Variants in PKHD1 observed in about 807,000 individuals in gnomAD.
PKHD1 encodes PKHD1 ciliary IPT domain containing fibrocystin/polyductin.
In PKHD1, 291 loss-of-function variants were observed where a neutral mutation model predicts 412.0. That is an observed-to-expected ratio of 0.71 (90% CI 0.64 to 0.78). The LOEUF is 0.78. Among genes scored for constraint, PKHD1 ranks in the 30% least tolerant of loss-of-function variants. The pLI, the probability that PKHD1 is intolerant of heterozygous loss-of-function variation, is 0.00. For missense variants in PKHD1, 4,825 were observed against 4,950.7 expected (o/e 0.97, Z 0.76); for synonymous variants, 1,777 against 1,821.5 (o/e 0.98, Z 0.62).
intron 33 of PKHD1, among the ~76,000 whole-genome samples, chr6:52,020,378 G>A (rs559283573): frequency 3.1e-4 from 47 of 152,278 alleles, no homozygotes; most frequent in African/African-American, 9.6e-4. Context: ...GGCATCTTAC[G>A]ATGCTACCCA....
At chr6:51,836,317 T>C (rs1769209959) in intron 51 of PKHD1, 87 bp downstream of exon 51, 1 of 889,198 alleles carries the variant, frequency 1.1e-6, no homozygotes, top group Admixed American at 1.7e-5. Context: ...TGCCTGTTTA[T>C]TAACAGTATG....
At chr6:51,950,220 A>AAATATATATATATATATATATATATATAT in intron 36 of PKHD1, among the ~76,000 whole-genome samples, 1 of 98,326 alleles carries the variant, frequency 1.0e-5, no homozygotes, top group Non-Finnish European at 2.0e-5. Context: ...GAAAAAAAAA[A>AAATATATATATATATATATATATATATAT]ATATATATAT....
Position 51,748,666 on chromosome 6 carries a change from C to T in PKHD1, c.8951-1G>A. On this transcript the variant is annotated splice_acceptor_variant, in intron 57 of 66. Coordinates refer to ENST00000371117, the MANE Select transcript of PKHD1 (RefSeq NM_138694.4). LOFTEE classifies it high-confidence loss of function. ...TCCACATTAAGAAGTTGAAGGACAC[C>T]TATAAACAAATGCATGTCATCAGGT... is the stretch of plus-strand genomic sequence containing the variant. The T allele has an allele frequency of 6.2e-7, 1 of 1,613,364 alleles. No individual in the cohort carries two copies. Among genetic ancestry groups the T allele is most frequent in the Non-Finnish European group, 8.5e-7 (1 of 1,179,572 alleles).
chr6:51,836,467 A>T lies in PKHD1; in HGVS notation c.8110T>A (p.Ser2704Thr). The change falls in exon 51 of 67, where the codon TCA becomes ACA. Residue 2704 changes from serine to threonine, a missense_variant and splice_region_variant. By Grantham distance (58) the Ser-to-Thr change is moderately conservative (BLOSUM62 1). Coordinates refer to ENST00000371117, the MANE Select transcript of PKHD1 (RefSeq NM_138694.4). ...ATGACTTGAACTTGGCCTTCACCTGAAACTAAATACCAAAAGCCACAACTT... is the reference window on the plus strand; with the variant it reads ...ATGACTTGAACTTGGCCTTCACCTGTAACTAAATACCAAAAGCCACAACTT... The part of the protein sequence containing the change: ...SQLRQLTYLV[S>T]GEGQVQVILR... 2 of 1,610,706 alleles carry T rather than the reference A, an allele frequency of 1.2e-6. No homozygotes were observed.
At chr6:52,069,676 C>A (rs1810304402) in intron 10 of PKHD1, 149 bp from the exon 11 acceptor site, 1 of 737,234 alleles carries the variant, frequency 1.4e-6, no homozygotes, top group East Asian at 2.5e-5. Context: ...AACTAAAGAA[C>A]AATACCAACA....
At chr6:51,726,648 A>C (rs1782609436) in intron 60 of PKHD1, among the ~76,000 whole-genome samples, 2 of 152,218 alleles carry the variant, frequency 1.3e-5, no homozygotes, top group African/African-American at 4.8e-5. Context: ...TGTTTATCCT[A>C]CAGAGTGGAT....
intron 60 of PKHD1, among the ~76,000 whole-genome samples, chr6:51,738,410 G>A (rs757014667): frequency 1.3e-5 from 2 of 152,154 alleles, no homozygotes; most frequent in East Asian, 1.9e-4. Context: ...TATGTAAGGC[G>A]AATAAGTCCA....
chr6:52,008,513 G>A (rs1003723272), intron 35 of PKHD1, among the ~76,000 whole-genome samples: 3 of 152,146 alleles, frequency 2.0e-5, no homozygotes, highest in Non-Finnish European at 4.4e-5. Flanking sequence ...TTTTAAATGA[G>A]TGAGGCATTT....
chr6:51,823,449 G>C (rs555894610), intron 52 of PKHD1, among the ~76,000 whole-genome samples: 2 of 152,036 alleles, frequency 1.3e-5, no homozygotes, highest in African/African-American at 2.4e-5. Flanking sequence ...AACAAGAAAA[G>C]GTTTGTAAAA....
chr6:51,962,264 G>T (rs1249319341), intron 35 of PKHD1, among the ~76,000 whole-genome samples: 1 of 152,166 alleles, frequency 6.6e-6, no homozygotes, highest in Non-Finnish European at 1.5e-5. Flanking sequence ...GAAAACCAGG[G>T]CTCATTACAC....
At chr6:51,667,681 C>T (rs1774071032) in intron 60 of PKHD1, among the ~76,000 whole-genome samples, 1 of 150,502 alleles carries the variant, frequency 6.6e-6, no homozygotes, top group East Asian at 2.0e-4. Flanking sequence ...GGTTTTAGGT[C>T]TAATGTTTAA....
intron 43 of PKHD1, among the ~76,000 whole-genome samples, chr6:51,894,944 T>C (rs941647382): frequency 6.6e-6 from 1 of 152,024 alleles, no homozygotes; most frequent in African/African-American, 2.4e-5. Context: ...AAATTAAAAG[T>C]TTAAAATAAC....
chr6:51,905,881 A>G (rs1162807964), intron 41 of PKHD1, among the ~76,000 whole-genome samples: 2 of 152,204 alleles, frequency 1.3e-5, no homozygotes, highest in South Asian at 2.1e-4. Context: ...TCCTTGGCCA[A>G]CATCCAAGTT....
intron 60 of PKHD1, among the ~76,000 whole-genome samples, chr6:51,664,018 T>C (rs1250218585): frequency 2.0e-5 from 3 of 152,196 alleles, no homozygotes; most frequent in African/African-American, 7.2e-5. Flanking sequence ...CCTCCATTCC[T>C]TATGACAGGT....
rs138506137 is a variant in PKHD1, at chr6:51,643,526, T to C, written c.11398+4505A>G. Among the ~76,000 whole-genome samples, 1,138 of 152,204 alleles carry C rather than the reference T, an allele frequency of 7.5e-3. 15 individuals are homozygous for C. The highest frequency in any genetic ancestry group is 0.025 in the African/African-American group (1,034 of 41,514). ...AGTCTATGGGCAGATTCTGACAAAA[T>C]ATGCCACATTACCTGGGCCTTTAAA... On this transcript the variant is annotated intron_variant, in intron 63 of 66. Transcript: ENST00000371117.
chr6:51,619,121 A>G lies in PKHD1; in HGVS notation c.12185T>C (p.Leu4062Pro). ...AATAGTTTCCGGGTGTACTGAATGA[A>G]GGCAGAATGCCTCAGTGGCCCCGCA... ...ASCGATEAFC[L>P]HSVHPETIQE... Residue 4062 changes from leucine (L) to proline (P), a missense_variant, in exon 67 of 67, where the codon CTT (leucine) becomes CCT (proline). Coordinates refer to ENST00000371117, the MANE Select transcript of PKHD1 (RefSeq NM_138694.4). The G allele has an allele frequency of 1.2e-6, 2 of 1,614,238 alleles. No homozygotes were observed. The highest frequency in any genetic ancestry group is 1.7e-6 in the Non-Finnish European group (2 of 1,180,026).
rs933512564 is a variant in PKHD1, at chr6:52,025,695, T to G, written c.4115A>C (p.Gln1372Pro). Residue 1372 changes from glutamine to proline, a missense_variant, in exon 32 of 67, where the codon CAG becomes CCG. Physicochemically the swap from Gln to Pro is moderately conservative, Grantham distance 76. Transcript: ENST00000371117. ...CACAGACATATTAGCAAATCCCATC[T>G]GCTTCTGACGTACTTGGAGAGGATA... ...GIYPLQVRQK[Q>P]MGFANMSVVL... 3 of 1,614,128 alleles carry G rather than the reference T, an allele frequency of 1.9e-6. No individual in the cohort carries two copies. In the African/African-American group the frequency reaches 4.0e-5, roughly 22 times the overall value.
In PKHD1 at chr6:51,769,318, A is replaced by G. The variant is rs946444794; in HGVS notation, c.8642+3384T>C. Among the ~76,000 whole-genome samples the G allele has an allele frequency of 3.3e-5, 5 of 151,486 alleles. No individual in the cohort carries two copies. The East Asian group carries it at 9.7e-4, about 29-fold the overall frequency. On this transcript the variant is annotated intron_variant, in intron 55 of 66. Coordinates refer to ENST00000371117, the MANE Select transcript of PKHD1 (RefSeq NM_138694.4). ...TTGGAGATAAATCTTTGATAAATTT[A>G]TATCTTTCACTATTCCTTGTTCTTT...
intron 57 of PKHD1, among the ~76,000 whole-genome samples, chr6:51,751,370 A>G (rs1786086815): frequency 6.6e-6 from 1 of 152,080 alleles, no homozygotes; most frequent in African/African-American, 2.4e-5. Context: ...CAGGGTATAA[A>G]CCTGAATTGA....
Sources: allele counts gnomAD v4.1 joint callset (sites outside exome capture counted in the v4.1 genomes callset), GRCh38; gene constraint gnomAD v4.1.1; transcripts MANE v1.5; gene names NCBI Gene and HGNC (gene_info 2026-07-23, HGNC 2026-07-21).